Variants in UBE3B observed in about 807,000 individuals in gnomAD.
UBE3B encodes ubiquitin-protein ligase E3B.
Under a neutral mutation model 132.3 loss-of-function variants are expected in UBE3B, and 80 were observed. The ratio of observed to expected loss-of-function variants is 0.60; its 90% CI spans 0.50 to 0.73. The LOEUF (loss-of-function observed/expected upper bound fraction) is 0.73. Among genes scored for constraint, UBE3B ranks in the 30% least tolerant of loss-of-function variants. UBE3B has a pLI of 0.00. For synonymous variants in UBE3B, 487 were observed against 520.4 expected, an observed-to-expected ratio of 0.94 and a Z score of 0.87; for missense variants, 1,196 against 1,362.5, an observed-to-expected ratio of 0.88 and a Z score of 1.92.
chr12:109,497,757 G>A (rs1878417496), intron 9 of UBE3B, 61 bp from the exon 10 acceptor site: 2 of 1,534,344 alleles, frequency 1.3e-6, no homozygotes, highest in Admixed American at 1.7e-5. Context: ...TGGTGGGGTT[G>A]TGCTTTTGTT....
At chr12:109,529,796 G>T in intron 24 of UBE3B, 94 bp from the exon 25 acceptor site, 3 of 1,441,090 alleles carry the variant, frequency 2.1e-6, no homozygotes, top group South Asian at 2.5e-5. Flanking sequence ...TTTGTAAAAT[G>T]GTTCAGAAAT....
chr12:109,521,053 GA>G lies in UBE3B; in HGVS notation c.2077-94del. 1 of 1,422,808 alleles carries G rather than the reference GA, an allele frequency of 7.0e-7. No individual in the cohort carries two copies. Among genetic ancestry groups the G allele is most frequent in the Non-Finnish European group, 9.6e-7 (1 of 1,043,036 alleles). The allele number at this position is 1,422,808 out of a possible 1,614,324, so 88.1% of individuals were successfully genotyped here. A position where few individuals can be genotyped will look rare whatever the true frequency, so the allele number is the denominator to read the frequency against. ...TTTCATAATTTGCACATTTGGTAAT[GA>G]TGCTGGGAGAGCTTCGCACAGAGGA... On this transcript the variant is annotated intron_variant, in intron 19 of 27. Transcript: ENST00000342494. The surrounding 1 kb of genome is among the most constrained non-coding windows in gnomAD (Gnocchi z 4.2).
At chr12:109,498,819 A>G (rs1265388817) in intron 11 of UBE3B, among the ~76,000 whole-genome samples, 3 of 151,658 alleles carry the variant, frequency 2.0e-5, no homozygotes, top group Admixed American at 2.0e-4. Flanking sequence ...AGATAGGAAA[A>G]GTTTTTTTTG....
intron 1 of UBE3B, among the ~76,000 whole-genome samples, chr12:109,480,879 G>C (rs879069066): frequency 2.6e-5 from 4 of 152,166 alleles, no homozygotes; most frequent in Admixed American, 1.3e-4. Context: ...GTTCATGCTA[G>C]TTTTGTATCT....
At chr12:109,481,536 T>C (rs1875436611) in intron 1 of UBE3B, 101 bp from the exon 2 acceptor site, 1 of 152,202 alleles carries the variant, frequency 6.6e-6, no homozygotes, top group South Asian at 2.1e-4. Flanking sequence ...AAAAAACCAT[T>C]GGCATTGTAG....
intron 24 of UBE3B, among the ~76,000 whole-genome samples, chr12:109,526,728 G>A (rs972643765): frequency 6.6e-6 from 1 of 152,102 alleles, no homozygotes; most frequent in Non-Finnish European, 1.5e-5. Flanking sequence ...AAAATTAGCT[G>A]GGCGTGGTGG....
chr12:109,504,288 A>G (rs937490297), intron 14 of UBE3B, among the ~76,000 whole-genome samples: 2 of 152,350 alleles, frequency 1.3e-5, no homozygotes, highest in African/African-American at 4.8e-5. Context: ...AGCCAAACAT[A>G]TCTTCAAATT....
intron 18 of UBE3B, among the ~76,000 whole-genome samples, chr12:109,514,915 CT>C (rs1261746552): frequency 1.8e-3 from 264 of 143,338 alleles, no homozygotes; most frequent in African/African-American, 2.7e-3. Flanking sequence ...CTTTCTTCTT[CT>C]TTTTTTTTTT....
At chr12:109,507,077 G>A (rs1457754472) in intron 14 of UBE3B, among the ~76,000 whole-genome samples, 2 of 152,182 alleles carry the variant, frequency 1.3e-5, no homozygotes, top group Non-Finnish European at 2.9e-5. Context: ...CTCAGACTTG[G>A]CTAGATTTAA....
chr12:109,517,302 T>C (rs1409184623), intron 19 of UBE3B, among the ~76,000 whole-genome samples: 1 of 152,186 alleles, frequency 6.6e-6, no homozygotes, highest in African/African-American at 2.4e-5. Context: ...GTGTTACATT[T>C]ACTGAGTTAT....
chr12:109,538,449 G>A (rs80069173), downstream of UBE3B, among the ~76,000 whole-genome samples: 8 of 152,302 alleles, frequency 5.3e-5, no homozygotes, highest in East Asian at 1.2e-3. The surrounding 1 kb of genome is among the most constrained non-coding windows in gnomAD (Gnocchi z 4.1). Flanking sequence ...CCTGCCCCAC[G>A]TGGAGGGCAG....
chr12:109,490,532 C>T (rs1474428308), intron 8 of UBE3B: 1 of 1,536,048 alleles, frequency 6.5e-7, no homozygotes, highest in Admixed American at 2.0e-5. Context: ...ATATGCTCCT[C>T]ACAACAACCC....
At chr12:109,531,912 C>T (rs1285812649) in intron 26 of UBE3B, among the ~76,000 whole-genome samples, 1 of 152,076 alleles carries the variant, frequency 6.6e-6, no homozygotes, top group Non-Finnish European at 1.5e-5. Context: ...TTTGGATAAC[C>T]TGTCACCAAA....
At chr12:109,526,096 A>G (rs12367754) in intron 23 of UBE3B, among the ~76,000 whole-genome samples, 7,585 of 152,310 alleles carry the variant, frequency 0.05, 265 homozygotes, top group South Asian at 0.11. Flanking sequence ...ATGCCAACAC[A>G]TTCCCCTCCA....
At chr12:109,546,615 G>T in the UBE3B span, among the ~76,000 whole-genome samples, 1 of 152,240 alleles carries the variant, frequency 6.6e-6, no homozygotes, top group Non-Finnish European at 1.5e-5. Flanking sequence ...AGTAGACTGG[G>T]CAAGGCACTG....
At chr12:109,537,820 G>A (rs375134911), downstream of UBE3B, among the ~76,000 whole-genome samples, 46 of 152,160 alleles carry the variant, frequency 3.0e-4, no homozygotes, top group Middle Eastern at 3.4e-3. Context: ...TTCTCCTGCC[G>A]CAGCCTCCCA....
In UBE3B at chr12:109,510,397, A is replaced by C; in HGVS notation, c.1795A>C (p.Met599Leu). The C allele has an allele frequency of 1.2e-6, 2 of 1,613,044 alleles. No homozygotes were observed. Among genetic ancestry groups the C allele is most frequent in the Non-Finnish European group, 1.7e-6 (2 of 1,179,660 alleles). Residue 599 changes from methionine to leucine, a missense_variant, in exon 17 of 28, where the codon ATG (methionine) becomes CTG (leucine). By Grantham distance (15) the Met-to-Leu change is conservative. Transcript: ENST00000342494. The stretch of plus-strand genomic sequence containing the variant: ...GTTCCAGTCTGTCCACGGGTGGCTT[A>C]TGGTGCTGTACGAGCGGGACTGCCG... ...ELFQSVHGWL[M>L]VLYERDCRRR...
At chr12:109,530,513 C>A (rs1882834920) in intron 25 of UBE3B, 34 bp from the exon 26 acceptor site, 4 of 1,597,770 alleles carry the variant, frequency 2.5e-6, no homozygotes, top group Middle Eastern at 3.6e-4. Context: ...CCCACGCTAG[C>A]ACATTGCTGA....
intron 21 of UBE3B, among the ~76,000 whole-genome samples, chr12:109,523,156 G>A (rs998922746): frequency 1.3e-5 from 2 of 152,174 alleles, no homozygotes; most frequent in African/African-American, 4.8e-5. Flanking sequence ...CCTCTGACAG[G>A]TGTCATCAAG....
Sources: gnomAD v4.1 joint callset for allele counts (sites outside exome capture counted in the v4.1 genomes callset) on GRCh38, gnomAD v4.1.1 for gene constraint, Gnocchi (gnomAD v3.1) non-coding constraint, MANE v1.5 for transcripts, NCBI Gene and HGNC (gene_info 2026-07-23, HGNC 2026-07-21) for gene names.